The following RORA variants were observed in gnomAD, a reference collection of about 807,000 sequenced individuals.
RORA encodes nuclear receptor ROR-alpha.
In RORA, 7 loss-of-function variants were observed where a neutral mutation model predicts 69.5. The ratio of observed to expected loss-of-function variants is 0.10; its 90% CI spans 0.06 to 0.19. The LOEUF (loss-of-function observed/expected upper bound fraction) is 0.19. RORA is among the 10% of genes least tolerant of loss of function. The pLI is 1.00. For synonymous variants in RORA, 261 were observed against 240.8 expected, an observed-to-expected ratio of 1.08 and a Z score of -0.78; for missense variants, 457 against 663.0, an observed-to-expected ratio of 0.69 and a Z score of 3.41.
intron 2 of RORA, among the ~76,000 whole-genome samples, chr15:60,543,677 T>C (rs1157267664): frequency 6.6e-6 from 1 of 152,056 alleles, no homozygotes; most frequent in African/African-American, 2.4e-5. Flanking sequence ...AGATGGGGTT[T>C]CACCATGTTG....
chr15:60,525,342 G>A (rs904312352), intron 3 of RORA, among the ~76,000 whole-genome samples: 3 of 152,178 alleles, frequency 2.0e-5, no homozygotes, highest in Non-Finnish European at 4.4e-5. Flanking sequence ...AAGGTGAACG[G>A]GGGTCTGATT....
chr15:61,019,783 G>T (rs1895439789), intron 1 of RORA, among the ~76,000 whole-genome samples: 1 of 152,142 alleles, frequency 6.6e-6, no homozygotes, highest in African/African-American at 2.4e-5. Context: ...CTCCTGATGG[G>T]GTTCCTGATG....
chr15:61,205,856 C>T (rs2079936509), intron 1 of RORA, among the ~76,000 whole-genome samples: 2 of 152,040 alleles, frequency 1.3e-5, no homozygotes, highest in Non-Finnish European at 2.9e-5. Context: ...TACGGAGACA[C>T]ATTTAATGCA....
intron 1 of RORA, among the ~76,000 whole-genome samples, chr15:60,939,264 C>T (rs766111698): frequency 2.6e-5 from 4 of 152,170 alleles, no homozygotes; most frequent in Non-Finnish European, 1.5e-5. Context: ...ACCAGGCATT[C>T]TTTCAGCATG....
At chr15:61,073,855 G>C (rs2078407520) in intron 1 of RORA, among the ~76,000 whole-genome samples, 1 of 152,226 alleles carries the variant, frequency 6.6e-6, no homozygotes, top group South Asian at 2.1e-4. Context: ...TAAATGCCAA[G>C]CATCGCTGAA....
intron 1 of RORA, among the ~76,000 whole-genome samples, chr15:61,024,899 T>G (rs1895723477): frequency 6.6e-6 from 1 of 152,204 alleles, no homozygotes; most frequent in African/African-American, 2.4e-5. Flanking sequence ...GCTGGAAATT[T>G]GTTAGACCCC....
chr15:60,743,016 ATTTTTTT>A (rs33922947), intron 1 of RORA, among the ~76,000 whole-genome samples: 103 of 105,164 alleles, frequency 9.8e-4, no homozygotes, highest in African/African-American at 3.5e-3. Flanking sequence ...CATTCATTCT[ATTTTTTT>A]TTTTTTTTTT....
At chr15:60,932,320 C>T (rs577808921) in intron 1 of RORA, among the ~76,000 whole-genome samples, 11 of 152,078 alleles carry the variant, frequency 7.2e-5, no homozygotes, top group Non-Finnish European at 1.5e-4. Flanking sequence ...AACTCAGCCA[C>T]GATTAGGGCT....
intron 1 of RORA, among the ~76,000 whole-genome samples, chr15:60,778,875 G>C (rs569346375): frequency 1.3e-5 from 2 of 152,244 alleles, no homozygotes; most frequent in South Asian, 2.1e-4. Context: ...TCTTCCTTCA[G>C]GGTGAGGGAG....
intron 2 of RORA, among the ~76,000 whole-genome samples, chr15:60,586,609 T>A (rs2068344252): frequency 6.6e-6 from 1 of 152,138 alleles, no homozygotes. Flanking sequence ...AGGAGAGAGT[T>A]ATGCTTGATA....
chr15:60,864,077 T>C (rs1192463954), intron 1 of RORA, among the ~76,000 whole-genome samples: 2 of 152,154 alleles, frequency 1.3e-5, no homozygotes, highest in African/African-American at 4.8e-5. Context: ...AGTGCTGGGA[T>C]TATAGGCGTA....
chr15:61,215,031 A>AT lies in RORA; in HGVS notation c.166+14021dup, dbSNP rs61132940. Among the ~76,000 whole-genome samples the AT allele has an allele frequency of 3.9e-3, 317 of 80,630 alleles. 4 individuals are homozygous for AT. Among genetic ancestry groups the AT allele is most frequent in the African/African-American group, 0.015 (299 of 20,058 alleles). 52.9% of individuals were successfully genotyped at this position (80,630 alleles called of 152,430 possible). ...AGGCGCCCGCCACCACGCCCAGCTAATTTTTTTTTTTTTTTTTTTTTTTTT... is the reference window on the plus strand; with the variant it reads ...AGGCGCCCGCCACCACGCCCAGCTAATTTTTTTTTTTTTTTTTTTTTTTTTT... On this transcript the variant is annotated intron_variant, in intron 1 of 10. Transcript: ENST00000335670.
At chr15:61,137,819 T>C (rs969513273) in intron 1 of RORA, among the ~76,000 whole-genome samples, 1 of 152,202 alleles carries the variant, frequency 6.6e-6, no homozygotes, top group Admixed American at 6.5e-5. Flanking sequence ...TAATAACAGG[T>C]TACCAATTCT....
At chr15:60,705,247 T>A (rs2071045185) in intron 1 of RORA, among the ~76,000 whole-genome samples, 1 of 152,246 alleles carries the variant, frequency 6.6e-6, no homozygotes, top group Non-Finnish European at 1.5e-5. Flanking sequence ...AAGGCAGGGC[T>A]TGTATTAAAT....
At chr15:60,751,671 C>T (rs760418071) in intron 1 of RORA, among the ~76,000 whole-genome samples, 21 of 152,258 alleles carry the variant, frequency 1.4e-4, no homozygotes, top group Admixed American at 5.2e-4. Flanking sequence ...TTGACCACTG[C>T]GGGCCTGGCT....
intron 1 of RORA, among the ~76,000 whole-genome samples, chr15:60,716,895 A>T (rs1044749799): frequency 6.6e-6 from 1 of 152,308 alleles, no homozygotes; most frequent in East Asian, 1.9e-4. Context: ...ACATCTCCTC[A>T]TCTGTATCCT....
chr15:60,901,528 A>C (rs1891392730), intron 1 of RORA, among the ~76,000 whole-genome samples: 1 of 152,262 alleles, frequency 6.6e-6, no homozygotes, highest in African/African-American at 2.4e-5. Flanking sequence ...AGCTGAAAGA[A>C]ATATCTAACA....
intron 1 of RORA, among the ~76,000 whole-genome samples, chr15:61,144,286 G>A (rs537279850): frequency 3.3e-5 from 5 of 152,228 alleles, no homozygotes; most frequent in Non-Finnish European, 7.3e-5. Context: ...CGGGCAGCTC[G>A]AGCTGCGATG....
At chr15:60,579,869 C>G (rs1403279989) in intron 2 of RORA, among the ~76,000 whole-genome samples, 2 of 152,222 alleles carry the variant, frequency 1.3e-5, no homozygotes, top group Non-Finnish European at 2.9e-5. Flanking sequence ...TACCGATGCA[C>G]TACTTTTGTC....
Sources: allele counts gnomAD v4.1 joint callset (sites outside exome capture counted in the v4.1 genomes callset), GRCh38; gene constraint gnomAD v4.1.1; transcripts MANE v1.5; gene names NCBI Gene and HGNC (gene_info 2026-07-23, HGNC 2026-07-21).